The following KDM4C variants were observed in gnomAD, a reference collection of about 807,000 sequenced individuals.
KDM4C encodes the protein lysine-specific demethylase 4C.
KDM4C carries 81 observed loss-of-function variants against 129.3 expected under a neutral mutation model. That is an observed-to-expected ratio of 0.63 (90% CI 0.52 to 0.75). KDM4C has a LOEUF of 0.75. Among genes scored for constraint, KDM4C ranks in the 30% least tolerant of loss-of-function variants. The pLI, the probability that KDM4C is intolerant of heterozygous loss-of-function variation, is 0.00. For synonymous variants in KDM4C, 573 were observed against 456.1 expected, an observed-to-expected ratio of 1.26 and a Z score of -3.26; for missense variants, 1,457 against 1,304.0, an observed-to-expected ratio of 1.12 and a Z score of -1.81.
intron 19 of KDM4C, among the ~76,000 whole-genome samples, chr9:7,138,703 T>G (rs1841457169): frequency 6.6e-6 from 1 of 151,916 alleles, no homozygotes; most frequent in South Asian, 2.1e-4. Context: ...CCTGTAGTCC[T>G]AGCTCCTTGG....
At chr9:6,803,724 A>G (rs1027298376) in intron 2 of KDM4C, among the ~76,000 whole-genome samples, 2 of 150,720 alleles carry the variant, frequency 1.3e-5, no homozygotes, top group African/African-American at 4.9e-5. Context: ...CCTGGGCAAC[A>G]TGGCGAAACC....
intron 8 of KDM4C, among the ~76,000 whole-genome samples, chr9:6,908,016 T>A (rs1453491948): frequency 1.3e-5 from 2 of 152,232 alleles, no homozygotes; most frequent in Non-Finnish European, 2.9e-5. Flanking sequence ...AAGTCCTTTG[T>A]AAGGAATGGA....
chr9:7,038,781 C>A (rs955854474), intron 15 of KDM4C, among the ~76,000 whole-genome samples: 1 of 151,852 alleles, frequency 6.6e-6, no homozygotes, highest in Non-Finnish European at 1.5e-5. Context: ...CTTACATGAC[C>A]CCCAAACTAG....
chr9:6,748,782 T>G (rs1487761468), intron 1 of KDM4C: 1 of 1,412,886 alleles, frequency 7.1e-7, no homozygotes, highest in South Asian at 1.1e-5. Flanking sequence ...TGACTTTGTT[T>G]TCGAATGAAT....
At chr9:7,128,873 T>C (rs1840314563) in intron 19 of KDM4C, among the ~76,000 whole-genome samples, 1 of 152,196 alleles carries the variant, frequency 6.6e-6, no homozygotes, top group South Asian at 2.1e-4. Flanking sequence ...TTGGGGCTCA[T>C]TCTGAGGAAC....
chr9:6,779,046 T>TTTTTTTTTTTTTTTG (rs71315563), intron 1 of KDM4C, among the ~76,000 whole-genome samples: 1 of 144,254 alleles, frequency 6.9e-6, no homozygotes, highest in African/African-American at 2.6e-5. Flanking sequence ...TTTTTTTTTT[T>TTTTTTTTTTTTTTTG]GAGATGGAGT....
chr9:6,913,357 C>G (rs1392486836), intron 8 of KDM4C, among the ~76,000 whole-genome samples: 1 of 152,178 alleles, frequency 6.6e-6, no homozygotes, highest in East Asian at 1.9e-4. Context: ...TATGGTGAAA[C>G]AAACCCATTT....
At chr9:6,996,988 G>C (rs1006744047) in intron 12 of KDM4C, among the ~76,000 whole-genome samples, 2 of 151,884 alleles carry the variant, frequency 1.3e-5, no homozygotes, top group Non-Finnish European at 2.9e-5. Context: ...CTTGCATAGA[G>C]AGGCAAAAAT....
intron 19 of KDM4C, among the ~76,000 whole-genome samples, chr9:7,156,757 C>A (rs1489380571): frequency 6.6e-6 from 1 of 152,138 alleles, no homozygotes; most frequent in Non-Finnish European, 1.5e-5. Context: ...TTACTGTAGC[C>A]TTGTAGTATA....
chr9:6,990,349 G>T, intron 11 of KDM4C, 67 bp from the exon 12 acceptor site: 1 of 1,005,310 alleles, frequency 9.9e-7, no homozygotes, highest in East Asian at 2.5e-5. Flanking sequence ...GTGAACTGTA[G>T]GGTTTTTTTT....
Position 6,893,124 on chromosome 9 carries a change from C to T in KDM4C, c.813C>T (p.Ile271=). Residue 271 remains isoleucine (I), a synonymous_variant, in exon 8 of 22, where the codon ATC becomes ATT. Transcript: ENST00000381309. ...CCCAGGAGGCTGGAGAATTCATGATCACTTTCCCATATGGCTACCATGCTG... is the reference window on the plus strand; with the variant it reads ...CCCAGGAGGCTGGAGAATTCATGATTACTTTCCCATATGGCTACCATGCTG... ...KITQEAGEFM[I]TFPYGYHAGF... is the part of the protein sequence containing the mutation. 6.3e-7 allele frequency: 1 copy of T among 1,592,432 alleles called. No individual in the cohort carries two copies. Among genetic ancestry groups the T allele is most frequent in the Non-Finnish European group, 8.6e-7 (1 of 1,168,844 alleles).
At chr9:6,866,173 C>G (rs1052915014) in intron 5 of KDM4C, among the ~76,000 whole-genome samples, 1 of 152,006 alleles carries the variant, frequency 6.6e-6, no homozygotes, top group Non-Finnish European at 1.5e-5. Flanking sequence ...GCATGAGCCA[C>G]TGCACCCATC....
chr9:7,061,863 G>A (rs912290655), intron 17 of KDM4C, among the ~76,000 whole-genome samples: 1 of 152,198 alleles, frequency 6.6e-6, no homozygotes, highest in African/African-American at 2.4e-5. Context: ...CTTGTTCAGC[G>A]GCTTTCAGCC....
At position 6,758,528 on chromosome 9, in the gene KDM4C, A is replaced by T. The variant is rs1382182333; in HGVS notation, c.-18+325A>T. 2.1e-5 allele frequency among the ~76,000 whole-genome samples: 3 copies of T among 142,960 alleles called. No homozygotes were observed. The highest frequency in any genetic ancestry group is 3.0e-5 in the Non-Finnish European group (2 of 65,650). The allele number at this position is 142,960 out of a possible 152,430, so 93.8% of individuals were successfully genotyped here. ...AGAGGAGCGCTCGGGCGGTCCTGGG[A>T]TGCGGACCTCTTAACGCCGCCAGTC... On this transcript the variant is annotated intron_variant, in intron 1 of 21. Transcript: ENST00000381309. The surrounding 1 kb of genome is among the most constrained non-coding windows in gnomAD (Gnocchi z 4.6).
At chr9:6,723,107 T>C (rs1817010363) in intron 1 of KDM4C, among the ~76,000 whole-genome samples, 1 of 152,108 alleles carries the variant, frequency 6.6e-6, no homozygotes. Context: ...AGTTTGTAGA[T>C]GCTTGGCTGG....
intron 8 of KDM4C, among the ~76,000 whole-genome samples, chr9:6,968,943 T>A (rs1831466119): frequency 6.6e-6 from 1 of 152,186 alleles, no homozygotes. Context: ...TAATTGTGTG[T>A]GTGTGTGTTT....
At chr9:6,905,436 C>G (rs1425021721) in intron 8 of KDM4C, among the ~76,000 whole-genome samples, 1 of 152,156 alleles carries the variant, frequency 6.6e-6, no homozygotes, top group African/African-American at 2.4e-5. Context: ...GGGGAACATA[C>G]TTAGGTATAT....
chr9:7,119,222 C>T (rs1424552289), intron 18 of KDM4C, among the ~76,000 whole-genome samples: 5 of 152,030 alleles, frequency 3.3e-5, no homozygotes, highest in African/African-American at 4.8e-5. Flanking sequence ...TATACAAGCA[C>T]CATTATATAA....
At chr9:6,819,918 G>A (rs1279432154) in intron 4 of KDM4C, among the ~76,000 whole-genome samples, 2 of 151,830 alleles carry the variant, frequency 1.3e-5, no homozygotes, top group Non-Finnish European at 2.9e-5. Context: ...ATTTTGAAAC[G>A]AATTATAGAG....
Sources: allele counts gnomAD v4.1 joint callset (sites outside exome capture counted in the v4.1 genomes callset), GRCh38; gene constraint gnomAD v4.1.1; non-coding constraint Gnocchi (gnomAD v3.1); transcripts MANE v1.5; gene names NCBI Gene and HGNC (gene_info 2026-07-23, HGNC 2026-07-21).